TCERG1L: variants seen among roughly 807,000 people sequenced by gnomAD.
TCERG1L encodes the protein transcription elongation regulator 1-like protein.
A neutral mutation model predicts 56.3 loss-of-function variants in TCERG1L; 37 were observed. That is an observed-to-expected ratio of 0.66 (90% CI 0.51 to 0.87). The LOEUF (loss-of-function observed/expected upper bound fraction) is 0.87. Ranked by LOEUF, TCERG1L falls within the 40% of genes least tolerant of loss-of-function variation. The pLI, the probability that TCERG1L is intolerant of heterozygous loss-of-function variation, is 0.00. For synonymous variants in TCERG1L, 324 were observed against 326.3 expected (o/e 0.99, Z 0.08); for missense variants, 799 against 774.2 (o/e 1.03, Z -0.38).
At chr10:131,256,992 G>GAAAGAAAGAAA (rs1846172871) in intron 4 of TCERG1L, among the ~76,000 whole-genome samples, 3 of 59,214 alleles carry the variant, frequency 5.1e-5, no homozygotes, top group African/African-American at 1.7e-4. Context: ...AAGGAAGGAA[G>GAAAGAAAGAAA]GAAAGAAAGA....
intron 4 of TCERG1L, among the ~76,000 whole-genome samples, chr10:131,244,583 G>A (rs1846012026): frequency 1.3e-5 from 2 of 152,128 alleles, no homozygotes; most frequent in Admixed American, 1.3e-4. Flanking sequence ...ACACAGCAGT[G>A]AGCTCTCACT....
chr10:131,170,677 A>G (rs922304555), intron 4 of TCERG1L, among the ~76,000 whole-genome samples: 1 of 152,294 alleles, frequency 6.6e-6, no homozygotes, highest in East Asian at 1.9e-4. Flanking sequence ...CTGCTCTTAT[A>G]GAGTCCAGCA....
chr10:131,178,762 C>T (rs529821459), intron 4 of TCERG1L, among the ~76,000 whole-genome samples: 1 of 152,192 alleles, frequency 6.6e-6, no homozygotes, highest in Non-Finnish European at 1.5e-5. Flanking sequence ...GGCATCTGCC[C>T]GTTCTATGCG....
At chr10:131,275,553 G>A (rs180742612) in intron 3 of TCERG1L, among the ~76,000 whole-genome samples, 10 of 152,224 alleles carry the variant, frequency 6.6e-5, no homozygotes, top group East Asian at 1.9e-4. Context: ...ACCTGGTAAC[G>A]TAAATGTCCT....
rs755415904 is a variant in TCERG1L, at chr10:131,308,222, T to C, written c.659A>G (p.Gln220Arg). 15 of 1,612,284 alleles carry C rather than the reference T, an allele frequency of 9.3e-6. No individual in the cohort carries two copies. The South Asian group carries it at 1.7e-4, about 18-fold the overall frequency. ...ATTTGGGCACCAACCTGGGATGGGC[T>C]GAGGTGCTAACACCACCGTGGGGAG... ...RPLPTVVLAPQPIPGGCHNSL... is the reference protein window; with the variant it reads ...RPLPTVVLAPRPIPGGCHNSL... Residue 220 changes from glutamine to arginine, a missense_variant, in exon 3 of 12, where the codon CAG becomes CGG. Transcript: ENST00000368642.
intron 10 of TCERG1L, among the ~76,000 whole-genome samples, chr10:131,099,719 G>A (rs1845286312): frequency 6.6e-6 from 1 of 152,204 alleles, no homozygotes; most frequent in African/African-American, 2.4e-5. Context: ...CATGTCAGCA[G>A]TGGCAAACCT....
chr10:131,231,691 G>C (rs938693085), intron 4 of TCERG1L, among the ~76,000 whole-genome samples: 2 of 152,242 alleles, frequency 1.3e-5, no homozygotes, highest in African/African-American at 4.8e-5. Context: ...CGCTGTGGGA[G>C]AGAGATGAAG....
At chr10:131,243,363 C>T (rs528284227) in intron 4 of TCERG1L, among the ~76,000 whole-genome samples, 1 of 152,166 alleles carries the variant, frequency 6.6e-6, no homozygotes, top group South Asian at 2.1e-4. Context: ...GGGTGGATCA[C>T]TTGAGGTCAG....
At chr10:131,309,478 G>T (rs1453885464) in intron 1 of TCERG1L, among the ~76,000 whole-genome samples, 179 bp from the exon 2 acceptor site, 1 of 152,132 alleles carries the variant, frequency 6.6e-6, no homozygotes, top group Non-Finnish European at 1.5e-5. Context: ...AAAAATTATA[G>T]AAGTTTTCAT....
intron 6 of TCERG1L, among the ~76,000 whole-genome samples, chr10:131,158,727 G>A (rs1296504330): frequency 1.1e-4 from 17 of 152,326 alleles, no homozygotes; most frequent in East Asian, 3.9e-4. Context: ...CTGACAGCCC[G>A]GACCACCACC....
chr10:131,123,680 C>T (rs760639040), intron 8 of TCERG1L, among the ~76,000 whole-genome samples: 24 of 152,014 alleles, frequency 1.6e-4, no homozygotes, highest in African/African-American at 3.4e-4. Flanking sequence ...CCTGACTTAG[C>T]GCTCGCTTCT....
chr10:131,305,064 C>T (rs1846806076), intron 3 of TCERG1L, among the ~76,000 whole-genome samples: 1 of 152,116 alleles, frequency 6.6e-6, no homozygotes, highest in East Asian at 1.9e-4. Flanking sequence ...CTCTTCCTGC[C>T]TCAAGGTGGC....
chr10:131,146,491 C>T lies in TCERG1L; in HGVS notation c.1189+15G>A. On this transcript the variant is annotated intron_variant, in intron 7 of 11. Coordinates refer to ENST00000368642, the MANE Select transcript of TCERG1L (RefSeq NM_174937.4). ...ACACTTCAAAGGAGGTGTAAATAAC[C>T]CAGGGCTTAGTTACTTGCTGGTGCC... 1.3e-6 allele frequency: 2 copies of T among 1,595,112 alleles called. No homozygotes were observed. The highest frequency in any genetic ancestry group is 1.7e-6 in the Non-Finnish European group (2 of 1,168,166).
At chr10:131,245,362 T>C (rs920306) in intron 4 of TCERG1L, among the ~76,000 whole-genome samples, 14,467 of 152,256 alleles carry the variant, frequency 0.095, 953 homozygotes, top group East Asian at 0.26. Context: ...AAATTATTTC[T>C]GGGAATAACA....
intron 3 of TCERG1L, among the ~76,000 whole-genome samples, chr10:131,268,245 A>G (rs928442604): frequency 1.1e-4 from 17 of 152,356 alleles, no homozygotes; most frequent in African/African-American, 3.6e-4. Flanking sequence ...TGCTGCTGCC[A>G]TTCATAATAT....
intron 9 of TCERG1L, among the ~76,000 whole-genome samples, chr10:131,106,823 G>A (rs1277116468): frequency 2.0e-5 from 3 of 152,142 alleles, no homozygotes; most frequent in African/African-American, 7.2e-5. Context: ...TGCTTTATTT[G>A]TATATTATAA....
intron 3 of TCERG1L, among the ~76,000 whole-genome samples, chr10:131,268,565 G>T (rs191034857): frequency 5.1e-4 from 78 of 152,018 alleles, no homozygotes; most frequent in African/African-American, 1.8e-3. Context: ...AGTCCTAGAC[G>T]GCATCTTCTT....
chr10:131,305,442 G>C (rs1846810290), intron 3 of TCERG1L, among the ~76,000 whole-genome samples: 2 of 152,016 alleles, frequency 1.3e-5, no homozygotes, highest in South Asian at 4.1e-4. Context: ...TAAGTGAGGG[G>C]TGGTCCGGTA....
At chr10:131,289,056 A>T (rs1023530826) in intron 3 of TCERG1L, among the ~76,000 whole-genome samples, 1 of 152,252 alleles carries the variant, frequency 6.6e-6, no homozygotes, top group Non-Finnish European at 1.5e-5. Flanking sequence ...TTACAGAATT[A>T]TTAAAAGCTC....
Sources: allele counts gnomAD v4.1 joint callset (sites outside exome capture counted in the v4.1 genomes callset), GRCh38; gene constraint gnomAD v4.1.1; transcripts MANE v1.5; gene names NCBI Gene and HGNC (gene_info 2026-07-23, HGNC 2026-07-21).